Variants in EYS observed in about 807,000 individuals in gnomAD.
EYS encodes protein eyes shut homolog.
In EYS, 250 loss-of-function variants were observed where a neutral mutation model predicts 282.1. The ratio of observed to expected loss-of-function variants is 0.89; its 90% confidence interval spans 0.80 to 0.98. The LOEUF (loss-of-function observed/expected upper bound fraction) is 0.98. Among genes scored for constraint, EYS ranks in the 50% least tolerant of loss-of-function variants. The probability of loss-of-function intolerance (pLI) is 0.00; values close to 1 mark genes in which losing one functional copy is unlikely to be tolerated. For missense variants in EYS, 4,016 were observed against 3,709.0 expected (o/e 1.08, Z -2.15); for synonymous variants, 1,355 against 1,282.9 (o/e 1.06, Z -1.20).
intron 2 of EYS, among the ~76,000 whole-genome samples, chr6:65,522,881 T>C (rs1391029390): frequency 6.6e-6 from 1 of 152,170 alleles, no homozygotes; most frequent in Non-Finnish European, 1.5e-5. Flanking sequence ...TGATCCTCTA[T>C]GAACAATTTA....
intron 10 of EYS, among the ~76,000 whole-genome samples, chr6:65,335,493 G>C (rs1769954026): frequency 6.6e-6 from 1 of 151,678 alleles, no homozygotes; most frequent in Non-Finnish European, 1.5e-5. Flanking sequence ...AGCAATTGTA[G>C]GCCTCAAACC....
chr6:64,040,699 G>GATTT (rs1770349691), intron 33 of EYS, among the ~76,000 whole-genome samples: 1 of 152,200 alleles, frequency 6.6e-6, no homozygotes, highest in Admixed American at 6.5e-5. Flanking sequence ...CATATCCACT[G>GATTT]ATTTACACAT....
intron 15 of EYS, among the ~76,000 whole-genome samples, chr6:64,917,406 T>C (rs1768200688): frequency 6.6e-6 from 1 of 152,234 alleles, no homozygotes; most frequent in African/African-American, 2.4e-5. Context: ...ATATTTTGTA[T>C]ATTAAGGCAT....
Position 63,788,099 on chromosome 6 carries a change from C to A in EYS, c.7723+6G>T. 1 of 1,529,144 alleles carries A rather than the reference C, an allele frequency of 6.5e-7. No individual in the cohort carries two copies. Among genetic ancestry groups the A allele is most frequent in the Non-Finnish European group, 8.8e-7 (1 of 1,139,858 alleles). 94.7% of individuals were successfully genotyped at this position (1,529,144 alleles called of 1,614,324 possible). ...AGGTATAATATAAAAAATGTCCATG[C>A]CTTACCTTGAAAACCATTTTTAAAA... On this transcript the variant is annotated splice_donor_region_variant and intron_variant, in intron 39 of 42. Coordinates refer to ENST00000503581, the MANE Select transcript of EYS (RefSeq NM_001142800.2).
intron 26 of EYS, among the ~76,000 whole-genome samples, chr6:64,581,116 C>T (rs1305788465): frequency 1.3e-5 from 2 of 151,874 alleles, no homozygotes; most frequent in Non-Finnish European, 2.9e-5. Context: ...AGTGAAAGTG[C>T]AAAGACAAAT....
At chr6:64,260,044 C>A (rs545495816) in intron 30 of EYS, among the ~76,000 whole-genome samples, 28 of 151,800 alleles carry the variant, frequency 1.8e-4, no homozygotes, top group Non-Finnish European at 2.4e-4. Context: ...CTTCTCTTAG[C>A]GTTAAGTATG....
chr6:64,839,726 A>G (rs1765504546), intron 19 of EYS, among the ~76,000 whole-genome samples: 1 of 152,012 alleles, frequency 6.6e-6, no homozygotes, highest in Non-Finnish European at 1.5e-5. Context: ...TGCCTGGTAA[A>G]TGCTGCTCTG....
At chr6:65,033,625 C>A (rs1384975393) in intron 13 of EYS, among the ~76,000 whole-genome samples, 1 of 152,106 alleles carries the variant, frequency 6.6e-6, no homozygotes, top group Non-Finnish European at 1.5e-5. Flanking sequence ...TGTAGGGGCA[C>A]AGAATACAAG....
intron 12 of EYS, among the ~76,000 whole-genome samples, chr6:65,210,735 T>C (rs925435966): frequency 6.6e-6 from 1 of 151,942 alleles, no homozygotes; most frequent in African/African-American, 2.4e-5. Flanking sequence ...ATTGCAAAAA[T>C]AGAAAATCAC....
At chr6:63,868,537 G>T (rs1310530725) in intron 35 of EYS, among the ~76,000 whole-genome samples, 1 of 152,126 alleles carries the variant, frequency 6.6e-6, no homozygotes, top group Admixed American at 6.6e-5. Context: ...AGAGAGGGAG[G>T]TTCTCAGCAG....
chr6:65,310,296 A>C (rs1769121127), intron 11 of EYS, among the ~76,000 whole-genome samples: 1 of 152,150 alleles, frequency 6.6e-6, no homozygotes, highest in Non-Finnish European at 1.5e-5. Flanking sequence ...GTGAGCCGAG[A>C]TCATGACACT....
intron 8 of EYS, among the ~76,000 whole-genome samples, chr6:65,368,703 T>C (rs372013422): frequency 4.6e-5 from 7 of 151,688 alleles, no homozygotes; most frequent in East Asian, 1.9e-4. Flanking sequence ...CAGTAACACA[T>C]GCACATGAAC....
intron 35 of EYS, among the ~76,000 whole-genome samples, chr6:63,932,972 T>C (rs1239239009): frequency 6.6e-6 from 1 of 152,250 alleles, no homozygotes; most frequent in Non-Finnish European, 1.5e-5. Context: ...TTGGGTTTGA[T>C]CAGTCTGCTA....
chr6:64,704,948 A>G (rs544381653), intron 22 of EYS, among the ~76,000 whole-genome samples: 2 of 152,260 alleles, frequency 1.3e-5, no homozygotes, highest in Admixed American at 6.5e-5. Flanking sequence ...CACCACTTCT[A>G]TTCAACATAG....
intron 30 of EYS, among the ~76,000 whole-genome samples, chr6:64,291,635 T>TA (rs1768710858): frequency 6.6e-6 from 1 of 152,072 alleles, no homozygotes; most frequent in Non-Finnish European, 1.5e-5. Flanking sequence ...AATTAAAAAG[T>TA]CAAATTGGAA....
intron 29 of EYS, among the ~76,000 whole-genome samples, chr6:64,385,927 A>G (rs666797): frequency 0.72 from 109,992 of 151,966 alleles, 39,929 homozygotes; most frequent in African/African-American, 0.8. Flanking sequence ...CTATTCCTTA[A>G]CTAATTTGGC....
intron 41 of EYS, among the ~76,000 whole-genome samples, chr6:63,735,455 T>C (rs777227312): frequency 6.6e-6 from 1 of 151,742 alleles, no homozygotes; most frequent in Non-Finnish European, 1.5e-5. Flanking sequence ...GTTCTCTCAT[T>C]TCCTGTCTCT....
intron 34 of EYS, among the ~76,000 whole-genome samples, chr6:63,990,818 A>G (rs1020859675): frequency 6.6e-6 from 1 of 151,646 alleles, no homozygotes; most frequent in Admixed American, 6.6e-5. Flanking sequence ...TGAGAAAAAA[A>G]GAGTTTTGGG....
At chr6:64,595,517 T>A (rs564218219) in intron 24 of EYS, among the ~76,000 whole-genome samples, 1 of 152,144 alleles carries the variant, frequency 6.6e-6, no homozygotes, top group African/African-American at 2.4e-5. Flanking sequence ...GCAGAAGACA[T>A]AATCTTATAT....
Sources: gnomAD v4.1 joint callset for allele counts (sites outside exome capture counted in the v4.1 genomes callset) on GRCh38, gnomAD v4.1.1 for gene constraint, MANE v1.5 for transcripts, NCBI Gene and HGNC (gene_info 2026-07-23, HGNC 2026-07-21) for gene names.